The following GAREM1 variants were observed in gnomAD, a reference collection of about 807,000 sequenced individuals.
GAREM1 encodes the protein GRB2 associated regulator of MAPK1 subtype 1, also known as GRB2-associated and regulator of MAPK protein 1.
GAREM1 carries 26 observed loss-of-function variants against 71.3 expected under a neutral mutation model. The ratio of observed to expected loss-of-function variants is 0.36; its 90% CI spans 0.27 to 0.51. The LOEUF (loss-of-function observed/expected upper bound fraction) is 0.51. Among genes scored for constraint, GAREM1 ranks in the 20% least tolerant of loss-of-function variants. The pLI, the probability that GAREM1 is intolerant of heterozygous loss-of-function variation, is 0.95. For synonymous variants in GAREM1, 440 were observed against 433.2 expected (o/e 1.02, Z -0.20); for missense variants, 1,026 against 1,103.1 (o/e 0.93, Z 0.99).
At chr18:32,357,158 T>G (rs1487642218) in intron 2 of GAREM1, among the ~76,000 whole-genome samples, 1 of 152,126 alleles carries the variant, frequency 6.6e-6, no homozygotes, top group Non-Finnish European at 1.5e-5. Flanking sequence ...TTACTCAGGT[T>G]TCGGCTTACA....
chr18:32,337,735 C>G (rs908116965), intron 2 of GAREM1, among the ~76,000 whole-genome samples: 1 of 152,166 alleles, frequency 6.6e-6, no homozygotes, highest in African/African-American at 2.4e-5. Flanking sequence ...TATAGGATAT[C>G]TCAGTAAGAC....
chr18:32,426,656 T>C (rs2048578641), intron 1 of GAREM1, among the ~76,000 whole-genome samples: 1 of 152,206 alleles, frequency 6.6e-6, no homozygotes, highest in Admixed American at 6.5e-5. Flanking sequence ...GTTTTCACAA[T>C]TCAATCAACT....
intron 1 of GAREM1, among the ~76,000 whole-genome samples, chr18:32,462,113 T>C (rs2048958454): frequency 6.6e-6 from 1 of 152,264 alleles, no homozygotes; most frequent in African/African-American, 2.4e-5. Flanking sequence ...TTGACACTTA[T>C]TTCCTTTGGA....
chr18:32,384,719 T>C (rs1354374085), intron 2 of GAREM1, among the ~76,000 whole-genome samples: 1 of 152,216 alleles, frequency 6.6e-6, no homozygotes, highest in Non-Finnish European at 1.5e-5. Flanking sequence ...AATCATCTCA[T>C]CATGAAATCC....
rs747449792 is a variant in GAREM1, at chr18:32,287,724, CTTG to C, written c.870_872del (p.Asn290del). On this transcript the variant is annotated inframe_deletion, in exon 4 of 6. Transcript: ENST00000269209. This position sits in a 1 kb window ranked among gnomAD's most constrained non-coding sequence, Gnocchi z 5.9. ...GCAAAGGAAAGTGCATGGGGAGGAT[CTTG>C]TTGTTCCGCAGCACACAGCAAACCA... The C allele has an allele frequency of 5.0e-6, 8 of 1,614,026 alleles. No homozygotes were observed. The South Asian group carries it at 5.5e-5, about 11-fold the overall frequency.
At chr18:32,299,356 T>C (rs112677935) in intron 3 of GAREM1, among the ~76,000 whole-genome samples, 3 of 151,390 alleles carry the variant, frequency 2.0e-5, no homozygotes, top group African/African-American at 7.3e-5. Flanking sequence ...CTACTAAAAA[T>C]ACAAAAAATT....
chr18:32,336,372 G>A (rs2144566340), intron 2 of GAREM1, among the ~76,000 whole-genome samples: 1 of 150,648 alleles, frequency 6.6e-6, no homozygotes, highest in East Asian at 2.0e-4. Flanking sequence ...GGAGCTTGCA[G>A]TGAGCGAAGA....
At chr18:32,450,688 T>C (rs894928773) in intron 1 of GAREM1, among the ~76,000 whole-genome samples, 2 of 152,180 alleles carry the variant, frequency 1.3e-5, no homozygotes, top group East Asian at 1.9e-4. Flanking sequence ...TGCTTTCTCA[T>C]ACCTCCAGCC....
At chr18:32,293,132 CAT>C (rs751594934) in intron 3 of GAREM1, among the ~76,000 whole-genome samples, 11 of 151,718 alleles carry the variant, frequency 7.3e-5, no homozygotes, top group African/African-American at 1.2e-4. Flanking sequence ...CACAGACACA[CAT>C]AGACACACAG....
intron 2 of GAREM1, among the ~76,000 whole-genome samples, chr18:32,330,302 C>T (rs2047519150): frequency 6.6e-6 from 1 of 152,138 alleles, no homozygotes; most frequent in African/African-American, 2.4e-5. Context: ...GGGAGCTAAA[C>T]ATTGGATACT....
intron 2 of GAREM1, among the ~76,000 whole-genome samples, chr18:32,336,446 A>AG (rs2047596883): frequency 6.6e-6 from 1 of 152,036 alleles, no homozygotes; most frequent in Non-Finnish European, 1.5e-5. Flanking sequence ...AAAAAAAAAA[A>AG]AAAATCATAC....
intron 1 of GAREM1, among the ~76,000 whole-genome samples, chr18:32,435,458 A>G (rs2048666879): frequency 6.6e-6 from 1 of 152,194 alleles, no homozygotes; most frequent in South Asian, 2.1e-4. Context: ...AAAGCTGAAA[A>G]AACAAAAGTT....
intron 2 of GAREM1, 24 bp downstream of exon 2, chr18:32,392,871 T>C (rs111962626): frequency 6.2e-7 from 1 of 1,607,380 alleles, no homozygotes; most frequent in African/African-American, 1.3e-5. Flanking sequence ...CGCTGCCTCA[T>C]CTTGGCCCTT....
At chr18:32,445,578 C>T (rs1568014208) in intron 1 of GAREM1, among the ~76,000 whole-genome samples, 1 of 152,076 alleles carries the variant, frequency 6.6e-6, no homozygotes, top group Non-Finnish European at 1.5e-5. Flanking sequence ...ATTTCAAGTT[C>T]ATGAATTAAT....
chr18:32,280,690 G>C (rs1445681875), intron 4 of GAREM1, among the ~76,000 whole-genome samples: 1 of 152,142 alleles, frequency 6.6e-6, no homozygotes, highest in Non-Finnish European at 1.5e-5. Flanking sequence ...TTACCAAGTA[G>C]AAGTTTTAAA....
rs1236501402 is a variant in GAREM1 at position 32,264,925 on chromosome 18, A to AG, written c.*2945dup. The AG allele has an allele frequency of 3.3e-5, 5 of 152,366 alleles. 1 individual carries two copies. The South Asian group carries it at 1.0e-3, about 32-fold the overall frequency. 9.4% of individuals were successfully genotyped at this position (152,366 alleles called of 1,614,324 possible). A position where few individuals can be genotyped will look rare whatever the true frequency, so the allele number is the denominator to read the frequency against. On this transcript the variant is annotated 3_prime_UTR_variant, in exon 6 of 6. Coordinates refer to ENST00000269209, the MANE Select transcript of GAREM1 (RefSeq NM_001242409.2). ...TAGACACTTCCTCTCTTTTGATTACAGGGGACCTGCCAGAGGAGATAAGAT... is the reference window on the plus strand; with the variant it reads ...TAGACACTTCCTCTCTTTTGATTACAGGGGGACCTGCCAGAGGAGATAAGAT...
chr18:32,306,717 A>C (rs1037397246), intron 3 of GAREM1, among the ~76,000 whole-genome samples: 2 of 152,044 alleles, frequency 1.3e-5, no homozygotes, highest in Non-Finnish European at 2.9e-5. Context: ...TGATATCTCT[A>C]CTTGGAGGTA....
Position 32,446,249 on chromosome 18 carries a change from T to TGC in GAREM1, c.121+24058_121+24059insGC, listed in dbSNP as rs1555647732. Among the ~76,000 whole-genome samples, 301 of 151,954 alleles carry TGC rather than the reference T, an allele frequency of 2.0e-3. 4 individuals are homozygous for TGC. The highest frequency in any genetic ancestry group is 5.8e-3 in the African/African-American group (240 of 41,400). On this transcript the variant is annotated intron_variant, in intron 1 of 5. Coordinates refer to ENST00000269209, the MANE Select transcript of GAREM1 (RefSeq NM_001242409.2). ...GTGTGTGTGTGTGTGTGTGTGTGTG[T>TGC]GTGTATAACAACAGAATTGTTCACC...
chr18:32,348,872 T>C (rs1167663755), intron 2 of GAREM1, among the ~76,000 whole-genome samples: 2 of 152,202 alleles, frequency 1.3e-5, no homozygotes, highest in African/African-American at 2.4e-5. Context: ...TTAGGTTAAT[T>C]AGGTCATCAA....
Sources: allele counts gnomAD v4.1 joint callset (sites outside exome capture counted in the v4.1 genomes callset), GRCh38; gene constraint gnomAD v4.1.1; non-coding constraint Gnocchi (gnomAD v3.1); transcripts MANE v1.5; gene names NCBI Gene and HGNC (gene_info 2026-07-23, HGNC 2026-07-21).